Variants in RALYL observed in about 807,000 individuals in gnomAD.
RALYL encodes RNA-binding Raly-like protein.
Under a neutral mutation model 35.1 loss-of-function variants are expected in RALYL, and 29 were observed. The ratio of observed to expected loss-of-function variants is 0.83; its 90% CI spans 0.61 to 1.13. The LOEUF is 1.13. Ranked by LOEUF, RALYL falls within the 50% of genes most tolerant of loss-of-function variation. The pLI is 0.00. For synonymous variants in RALYL, 120 were observed against 127.6 expected (o/e 0.94, Z 0.40); for missense variants, 359 against 360.4 (o/e 1.00, Z 0.03).
At chr8:84,563,272 A>G (rs1564151409) in intron 2 of RALYL, among the ~76,000 whole-genome samples, 2 of 152,004 alleles carry the variant, frequency 1.3e-5, no homozygotes, top group East Asian at 3.9e-4. Flanking sequence ...GTTGATTCTC[A>G]TGAAACATAA....
chr8:84,534,821 G>A (rs78240878), intron 2 of RALYL, among the ~76,000 whole-genome samples: 2,631 of 152,282 alleles, frequency 0.017, 168 homozygotes, highest in Admixed American at 0.12. Context: ...AGCTTGCTAA[G>A]GAGACTAGGT....
intron 2 of RALYL, among the ~76,000 whole-genome samples, chr8:84,612,482 A>G (rs1355439363): frequency 6.6e-6 from 1 of 152,052 alleles, no homozygotes; most frequent in African/African-American, 2.4e-5. Context: ...GGACAAGACC[A>G]CTAATGAATC....
At chr8:84,830,492 T>G (rs1830670304) in intron 4 of RALYL, among the ~76,000 whole-genome samples, 1 of 152,080 alleles carries the variant, frequency 6.6e-6, no homozygotes, top group Non-Finnish European at 1.5e-5. Flanking sequence ...AGAGAACCAG[T>G]CTGGGTTGCA....
chr8:84,321,885 A>G (rs1426579898), intron 1 of RALYL, among the ~76,000 whole-genome samples: 2 of 152,116 alleles, frequency 1.3e-5, no homozygotes, highest in Non-Finnish European at 2.9e-5. Flanking sequence ...TTATGATTTT[A>G]GAGAAAACAG....
chr8:84,411,612 G>C (rs2044109080), intron 1 of RALYL, among the ~76,000 whole-genome samples: 2 of 151,808 alleles, frequency 1.3e-5, no homozygotes, highest in Non-Finnish European at 2.9e-5. Context: ...AGGATTAAAT[G>C]TGATAATCTA....
chr8:84,859,349 G>T (rs1837664224), intron 5 of RALYL, among the ~76,000 whole-genome samples: 1 of 152,120 alleles, frequency 6.6e-6, no homozygotes, highest in African/African-American at 2.4e-5. Context: ...GGCGTAGAAA[G>T]GTGGGGTTTT....
At chr8:84,611,088 T>G (rs756841046) in intron 2 of RALYL, among the ~76,000 whole-genome samples, 1 of 152,144 alleles carries the variant, frequency 6.6e-6, no homozygotes, top group Non-Finnish European at 1.5e-5. Context: ...CTTTAGGCAT[T>G]TGGATTTTAA....
chr8:84,681,126 G>A (rs948851373), intron 2 of RALYL, among the ~76,000 whole-genome samples: 6 of 152,088 alleles, frequency 3.9e-5, no homozygotes, highest in Non-Finnish European at 7.4e-5. Flanking sequence ...CCCATTTCTT[G>A]ATTTTGTCAG....
intron 2 of RALYL, among the ~76,000 whole-genome samples, chr8:84,644,389 A>T (rs2131412694): frequency 6.6e-6 from 1 of 152,212 alleles, no homozygotes; most frequent in Non-Finnish European, 1.5e-5. Context: ...ATTTGGTATT[A>T]CTAATTTTAA....
chr8:84,194,723 A>G (rs547045715), intron 1 of RALYL, among the ~76,000 whole-genome samples: 19 of 152,282 alleles, frequency 1.2e-4, no homozygotes, highest in East Asian at 5.8e-4. Flanking sequence ...TTATGAATCA[A>G]CATTCTGGAC....
chr8:84,545,913 G>A (rs1219291797), intron 2 of RALYL, among the ~76,000 whole-genome samples: 1 of 151,950 alleles, frequency 6.6e-6, no homozygotes, highest in Non-Finnish European at 1.5e-5. Flanking sequence ...GTTTTTCCTT[G>A]TCAAACTGTA....
At chr8:84,434,070 G>C (rs1384478168) in intron 1 of RALYL, among the ~76,000 whole-genome samples, 1 of 151,984 alleles carries the variant, frequency 6.6e-6, no homozygotes, top group Admixed American at 6.6e-5. Flanking sequence ...TTGCCTCACT[G>C]TTTGGGAGGC....
intron 1 of RALYL, among the ~76,000 whole-genome samples, chr8:84,360,184 T>C (rs4639510): frequency 0.37 from 56,282 of 152,116 alleles, 11,307 homozygotes; most frequent in East Asian, 0.51. Flanking sequence ...TGCGTTCATT[T>C]CTTGCTGTGG....
chr8:84,367,789 A>G (rs981377790), intron 1 of RALYL, among the ~76,000 whole-genome samples: 3 of 152,072 alleles, frequency 2.0e-5, no homozygotes, highest in Non-Finnish European at 4.4e-5. Flanking sequence ...GCTTTATCTC[A>G]TTATTATAGG....
At chr8:84,467,849 T>C (rs1459990926) in intron 1 of RALYL, among the ~76,000 whole-genome samples, 1 of 138,134 alleles carries the variant, frequency 7.2e-6, no homozygotes, top group Non-Finnish European at 1.6e-5. Flanking sequence ...CATATATATT[T>C]AGGATAGTTA....
intron 1 of RALYL, among the ~76,000 whole-genome samples, chr8:84,460,998 T>A (rs1047397891): frequency 2.0e-5 from 3 of 151,620 alleles, no homozygotes; most frequent in Non-Finnish European, 3.0e-5. Flanking sequence ...CAGTGTTTGC[T>A]AAAGGTGGTA....
intron 2 of RALYL, among the ~76,000 whole-genome samples, chr8:84,646,257 G>A (rs2131441180): frequency 6.6e-6 from 1 of 151,086 alleles, no homozygotes; most frequent in Middle Eastern, 3.4e-3. Context: ...ATTGTCATTT[G>A]AATTCATATT....
chr8:84,278,848 C>T (rs1266082673), intron 1 of RALYL, among the ~76,000 whole-genome samples: 8 of 152,200 alleles, frequency 5.3e-5, no homozygotes, highest in Non-Finnish European at 1.0e-4. Context: ...CAAACTTTCC[C>T]ACATCTTCCT....
At chr8:84,682,466 G>T (rs936457503) in intron 2 of RALYL, among the ~76,000 whole-genome samples, 1 of 152,106 alleles carries the variant, frequency 6.6e-6, no homozygotes, top group Non-Finnish European at 1.5e-5. Flanking sequence ...AATCCATCTG[G>T]TCCTGGACGT....
Sources: allele counts gnomAD v4.1 joint callset (sites outside exome capture counted in the v4.1 genomes callset), GRCh38; gene constraint gnomAD v4.1.1; transcripts MANE v1.5; gene names NCBI Gene and HGNC (gene_info 2026-07-23, HGNC 2026-07-21).